Variants in VPS50 observed in about 807,000 individuals in gnomAD.
VPS50 encodes the protein syndetin.
VPS50 carries 70 observed loss-of-function variants against 139.7 expected under a neutral mutation model. The ratio of observed to expected loss-of-function variants is 0.50; its 90% confidence interval spans 0.41 to 0.61. The LOEUF (loss-of-function observed/expected upper bound fraction) is 0.61, where lower values mean the gene tolerates loss of function less well. Ranked by LOEUF, VPS50 falls within the 20% of genes least tolerant of loss-of-function variation. VPS50 has a pLI of 0.00. For synonymous variants in VPS50, 365 were observed against 376.7 expected, an observed-to-expected ratio of 0.97 and a Z score of 0.36; for missense variants, 921 against 1,133.7, an observed-to-expected ratio of 0.81 and a Z score of 2.69.
At chr7:93,271,100 T>A in intron 9 of VPS50, 120 bp from the exon 10 acceptor site, 1 of 1,394,038 alleles carries the variant, frequency 7.2e-7, no homozygotes, top group Non-Finnish European at 9.3e-7. Context: ...CAGCAGCATG[T>A]CTTACGATCT....
At chr7:93,296,124 A>G (rs1482047695) in intron 14 of VPS50, among the ~76,000 whole-genome samples, 2 of 152,190 alleles carry the variant, frequency 1.3e-5, no homozygotes, top group East Asian at 3.8e-4. Flanking sequence ...TTTATAATTT[A>G]GTGCTCTTCT....
intron 11 of VPS50, among the ~76,000 whole-genome samples, chr7:93,275,302 A>G (rs1403147267): frequency 6.6e-6 from 1 of 152,192 alleles, no homozygotes; most frequent in Non-Finnish European, 1.5e-5. Flanking sequence ...ACTGTGGATA[A>G]AATGCTATCA....
chr7:93,289,068 A>G (rs1324641609), intron 12 of VPS50, among the ~76,000 whole-genome samples: 1 of 152,056 alleles, frequency 6.6e-6, no homozygotes, highest in Non-Finnish European at 1.5e-5. Context: ...TTGAGCCATT[A>G]GAAACTCTGT....
At chr7:93,317,407 A>G (rs1419678584) in intron 20 of VPS50, among the ~76,000 whole-genome samples, 1 of 152,104 alleles carries the variant, frequency 6.6e-6, no homozygotes, top group African/African-American at 2.4e-5. Flanking sequence ...AAAGTTAGCC[A>G]GATGTGGTGG....
chr7:93,244,991 T>C (rs12672052), intron 2 of VPS50, among the ~76,000 whole-genome samples: 13,608 of 151,878 alleles, frequency 0.09, 654 homozygotes, highest in East Asian at 0.19. Flanking sequence ...CAAACACTTA[T>C]GGAACCAGGC....
At position 93,341,581 on chromosome 7, in the gene VPS50, T is replaced by G; in HGVS notation, c.2207+6T>G. ...GTGGTAGCCACGGAATCCTTGTAAG[T>G]TGTTCAAAACAGTTGCGTTGCCATT... On this transcript the variant is annotated splice_donor_region_variant and intron_variant, in intron 23 of 27. Coordinates refer to ENST00000305866, the MANE Select transcript of VPS50 (RefSeq NM_017667.4). 6.3e-7 allele frequency: 1 copy of G among 1,592,324 alleles called. No individual in the cohort carries two copies. Among genetic ancestry groups the G allele is most frequent in the Non-Finnish European group, 8.5e-7 (1 of 1,171,570 alleles).
intron 8 of VPS50, among the ~76,000 whole-genome samples, chr7:93,258,659 A>G (rs1795569041): frequency 2.0e-5 from 3 of 152,098 alleles, no homozygotes; most frequent in Non-Finnish European, 4.4e-5. Flanking sequence ...TTGCGTCCAA[A>G]TAGCAATAAA....
chr7:93,305,608 T>C (rs1797091999), intron 17 of VPS50, among the ~76,000 whole-genome samples: 1 of 151,926 alleles, frequency 6.6e-6, no homozygotes, highest in Non-Finnish European at 1.5e-5. Context: ...CAGATGATAC[T>C]GTTTTAAGTG....
At chr7:93,341,360 G>A (rs1562895595) in intron 22 of VPS50, 67 bp from the exon 23 acceptor site, 3 of 1,051,020 alleles carry the variant, frequency 2.9e-6, no homozygotes, top group East Asian at 5.3e-5. Flanking sequence ...TTCTAATTTT[G>A]TCAAAATCAC....
intron 12 of VPS50, among the ~76,000 whole-genome samples, chr7:93,285,867 A>G (rs2116922320): frequency 6.6e-6 from 1 of 152,322 alleles, no homozygotes; most frequent in East Asian, 1.9e-4. Context: ...TGCATGGAAC[A>G]TCCAGTTTCT....
chr7:93,357,891 T>C (rs572796377), intron 27 of VPS50, among the ~76,000 whole-genome samples: 2 of 152,158 alleles, frequency 1.3e-5, no homozygotes, highest in African/African-American at 2.4e-5. Flanking sequence ...GTTGGAGATT[T>C]TTTTTTTAAC....
intron 9 of VPS50, 74 bp downstream of exon 9, chr7:93,259,706 T>TAAAC: frequency 2.6e-6 from 2 of 774,006 alleles, no homozygotes; most frequent in Non-Finnish European, 4.6e-6. Context: ...AAAATGTTAA[T>TAAAC]AAACATTGAA....
chr7:93,286,138 A>G (rs1004000445), intron 12 of VPS50, among the ~76,000 whole-genome samples: 4 of 152,196 alleles, frequency 2.6e-5, no homozygotes, highest in African/African-American at 4.8e-5. Context: ...GCAGTGGAAA[A>G]TAGTTTTAGA....
intron 4 of VPS50, among the ~76,000 whole-genome samples, chr7:93,255,194 C>T (rs1473230357): frequency 6.6e-6 from 1 of 152,110 alleles, no homozygotes; most frequent in Non-Finnish European, 1.5e-5. Context: ...AATAATTATA[C>T]AACTCAGCAT....
chr7:93,238,731 G>T (rs1195744357), intron 1 of VPS50, among the ~76,000 whole-genome samples: 1 of 152,118 alleles, frequency 6.6e-6, no homozygotes, highest in Non-Finnish European at 1.5e-5. Context: ...TGATCCAAGG[G>T]TTATACTGAG....
rs543168821 is a variant in VPS50 at position 93,283,882 on chromosome 7, T to C, written c.942+7577T>C. On this transcript the variant is annotated intron_variant, in intron 12 of 27. Coordinates refer to ENST00000305866, the MANE Select transcript of VPS50 (RefSeq NM_017667.4). ...TCTGGCTTGGTTTAACCGGATTTTT[T>C]AGTATGGTGGTTTGGTTGTTTCTAA... Among the ~76,000 whole-genome samples the C allele has an allele frequency of 3.3e-5, 5 of 152,254 alleles. No individual in the cohort carries two copies. In the East Asian group the frequency reaches 9.7e-4, roughly 29 times the overall value.
At chr7:93,307,741 A>G (rs76429724) in intron 18 of VPS50, among the ~76,000 whole-genome samples, 2,426 of 152,006 alleles carry the variant, frequency 0.016, 82 homozygotes, top group African/African-American at 0.055. Context: ...CATCAGGATC[A>G]CATTGTGTAT....
rs376216197 is a variant in VPS50 at position 93,341,533 on chromosome 7, C to T, written c.2165C>T (p.Thr722Met). ...SHLVVLTSGD[T>M]LYGLAERVVA... ...CTAGTGGTTTTGACATCTGGGGATA[C>T]GCTGTATGGGTTGGCAGAAAGAGTG... The change falls in exon 23 of 28, where the codon ACG becomes ATG. Residue 722 changes from threonine (T) to methionine (M), a missense_variant. Thr to Met is a moderately conservative substitution (Grantham distance 81). Around this residue, in one of 3 missense-constraint regions of VPS50, gnomAD observed 744 missense variants for 930.6 expected, o/e 0.80. Coordinates refer to ENST00000305866, the MANE Select transcript of VPS50 (RefSeq NM_017667.4). The T allele has an allele frequency of 2.7e-5, 43 of 1,611,430 alleles. No individual in the cohort carries two copies. The highest frequency in any genetic ancestry group is 6.6e-5 in the South Asian group (6 of 90,872).
At chr7:93,333,807 TC>T (rs1229897390) in intron 21 of VPS50, 2 of 324,464 alleles carry the variant, frequency 6.2e-6, no homozygotes, top group Non-Finnish European at 1.1e-5. Context: ...AATATGTTTA[TC>T]TAAAATCTCA....
Sources: allele counts gnomAD v4.1 joint callset (sites outside exome capture counted in the v4.1 genomes callset), GRCh38; gene constraint gnomAD v4.1.1; regional missense constraint gnomAD v4.1.1; transcripts MANE v1.5; gene names NCBI Gene and HGNC (gene_info 2026-07-23, HGNC 2026-07-21).